Variants in OCA2 observed in about 807,000 individuals in gnomAD.
OCA2 encodes the protein OCA2 melanosomal transmembrane protein.
A neutral mutation model predicts 100.2 loss-of-function variants in OCA2; 77 were observed. The ratio of observed to expected loss-of-function variants is 0.77; its 90% confidence interval spans 0.64 to 0.93. The LOEUF is 0.93. Ranked by LOEUF, OCA2 falls within the 40% of genes least tolerant of loss-of-function variation. The pLI, the probability that OCA2 is intolerant of heterozygous loss-of-function variation, is 0.00. For missense variants in OCA2, 1,062 were observed against 1,089.1 expected (o/e 0.98, Z 0.35); for synonymous variants, 432 against 439.2 (o/e 0.98, Z 0.21).
chr15:27,771,458 G>A (rs1167938201), intron 23 of OCA2, among the ~76,000 whole-genome samples: 3 of 152,148 alleles, frequency 2.0e-5, no homozygotes, highest in Non-Finnish European at 2.9e-5. Flanking sequence ...CCGCAGAGGC[G>A]TGGGTTCTCC....
At chr15:27,913,838 G>GGAAAGAAA (rs367919609) in intron 19 of OCA2, among the ~76,000 whole-genome samples, 753 of 36,906 alleles carry the variant, frequency 0.02, 17 homozygotes, top group Non-Finnish European at 0.024. Context: ...AAGAAAGAAA[G>GGAAAGAAA]GAAAGAAAGA....
intron 3 of OCA2, among the ~76,000 whole-genome samples, chr15:28,029,088 T>C (rs1419306126): frequency 6.6e-6 from 1 of 152,174 alleles, no homozygotes; most frequent in African/African-American, 2.4e-5. Flanking sequence ...TCATGTATCA[T>C]ATAGAATATT....
the OCA2 span, among the ~76,000 whole-genome samples, chr15:27,729,361 C>T: frequency 8.9e-5 from 12 of 135,300 alleles, no homozygotes; most frequent in African/African-American, 2.7e-4. Context: ...TCTCAAAATT[C>T]TTCCAGTCTC....
At chr15:27,753,824 AGGCAGTGGGTGG>A (rs1478953752), downstream of OCA2, among the ~76,000 whole-genome samples, 1 of 152,084 alleles carries the variant, frequency 6.6e-6, no homozygotes, top group Non-Finnish European at 1.5e-5. Flanking sequence ...CAACGAGGAG[AGGCAGTGGGTGG>A]GAGATGGGGC....
the OCA2 span, among the ~76,000 whole-genome samples, chr15:27,726,530 G>A: frequency 6.6e-6 from 1 of 152,122 alleles, no homozygotes; most frequent in African/African-American, 2.4e-5. Context: ...CTCAGCACAT[G>A]GGCCTGGAGA....
chr15:27,961,116 A>AAAG, intron 15 of OCA2, among the ~76,000 whole-genome samples: 1 of 152,156 alleles, frequency 6.6e-6, no homozygotes, highest in South Asian at 2.1e-4. Context: ...GAAAAAAACA[A>AAAG]CCCCATCAAA....
At chr15:27,995,018 G>T (rs1320028316) in intron 9 of OCA2, among the ~76,000 whole-genome samples, 1 of 152,166 alleles carries the variant, frequency 6.6e-6, no homozygotes, top group Admixed American at 6.5e-5. Flanking sequence ...TAGAGACAAA[G>T]AAGGTCATTA....
intron 18 of OCA2, among the ~76,000 whole-genome samples, chr15:27,940,911 T>TA (rs1450656211): frequency 2.0e-5 from 3 of 152,242 alleles, no homozygotes; most frequent in Admixed American, 6.5e-5. Context: ...TTCAGATTAT[T>TA]AATGTTGAGG....
chr15:27,767,984 T>C (rs563703844), intron 23 of OCA2, among the ~76,000 whole-genome samples: 3 of 152,284 alleles, frequency 2.0e-5, no homozygotes, highest in African/African-American at 7.2e-5. Context: ...GCAGCCACAA[T>C]GGCAGTGGAG....
chr15:27,806,705 A>T (rs779537098), intron 23 of OCA2, among the ~76,000 whole-genome samples: 2 of 152,270 alleles, frequency 1.3e-5, no homozygotes, highest in African/African-American at 2.4e-5. Flanking sequence ...AAGAGGTGTC[A>T]AAAAGGCTGC....
chr15:27,819,079 A>T (rs982718404), intron 23 of OCA2, among the ~76,000 whole-genome samples: 1 of 152,206 alleles, frequency 6.6e-6, no homozygotes, highest in African/African-American at 2.4e-5. Context: ...AGACTACTGA[A>T]ATACTTTTGT....
At position 27,837,145 on chromosome 15, in the gene OCA2, G is replaced by A. The variant is rs143992551; in HGVS notation, c.2432+7814C>T. ...TGCAGACCATGTTTCTGCCCAGTGA[G>A]GGAATCTAACATTAGCATAATCTCT... On this transcript the variant is annotated intron_variant, in intron 23 of 23. Transcript: ENST00000354638. Among the ~76,000 whole-genome samples the A allele has an allele frequency of 4.1e-3, 620 of 152,316 alleles. 6 individuals carry two copies. The highest frequency in any genetic ancestry group is 0.014 in the African/African-American group (600 of 41,566).
chr15:28,020,076 C>G (rs1044943911), intron 6 of OCA2, among the ~76,000 whole-genome samples: 2 of 151,854 alleles, frequency 1.3e-5, no homozygotes, highest in Non-Finnish European at 2.9e-5. Context: ...CCCTCTTCAT[C>G]CAAATTCGAA....
intron 6 of OCA2, among the ~76,000 whole-genome samples, chr15:28,020,937 G>C (rs1330086126): frequency 1.3e-5 from 2 of 152,030 alleles, no homozygotes; most frequent in African/African-American, 4.8e-5. Flanking sequence ...CTAAGGAGAG[G>C]GTGTCCTGGG....
At chr15:28,093,512 G>A (rs2044908757) in intron 1 of OCA2, among the ~76,000 whole-genome samples, 1 of 152,030 alleles carries the variant, frequency 6.6e-6, no homozygotes, top group Non-Finnish European at 1.5e-5. Context: ...CAATGGGAAT[G>A]TAAAATTGTA....
chr15:27,792,105 T>C (rs1373266152), intron 23 of OCA2, among the ~76,000 whole-genome samples: 1 of 152,176 alleles, frequency 6.6e-6, no homozygotes, highest in African/African-American at 2.4e-5. Context: ...GAGGGTTCTG[T>C]ATGGAGTCAC....
At chr15:27,790,173 T>C (rs2033014135) in intron 23 of OCA2, among the ~76,000 whole-genome samples, 1 of 151,750 alleles carries the variant, frequency 6.6e-6, no homozygotes, top group South Asian at 2.1e-4. Context: ...ACATCATTAA[T>C]TATTAGTAAA....
downstream of OCA2, among the ~76,000 whole-genome samples, chr15:27,754,164 C>T (rs1434190025): frequency 6.6e-6 from 1 of 152,186 alleles, no homozygotes; most frequent in Non-Finnish European, 1.5e-5. Context: ...TTAAAATAAA[C>T]TACGGTTGCA....
intron 19 of OCA2, among the ~76,000 whole-genome samples, chr15:27,893,152 G>A (rs2037536717): frequency 6.6e-6 from 1 of 152,202 alleles, no homozygotes; most frequent in African/African-American, 2.4e-5. Flanking sequence ...CTGGAGCCGT[G>A]GCAGAGGAAC....
Sources: allele counts gnomAD v4.1 joint callset (sites outside exome capture counted in the v4.1 genomes callset), GRCh38; gene constraint gnomAD v4.1.1; transcripts MANE v1.5; gene names NCBI Gene and HGNC (gene_info 2026-07-23, HGNC 2026-07-21).